The following BCO1 variants were observed in gnomAD, a reference collection of about 807,000 sequenced individuals.
The protein encoded by BCO1 is beta-carotene oxygenase 1, also known as beta,beta-carotene 15,15'-dioxygenase.
A neutral mutation model predicts 56.3 loss-of-function variants in BCO1; 54 were observed. That is an observed-to-expected ratio of 0.96 (90% CI 0.77 to 1.20). The LOEUF (loss-of-function observed/expected upper bound fraction) is 1.20. Among genes scored for constraint, BCO1 ranks in the 50% most tolerant of loss-of-function variants. The pLI is 0.00. For missense variants in BCO1, 801 were observed against 690.9 expected (o/e 1.16, Z -1.79); for synonymous variants, 318 against 266.1 (o/e 1.20, Z -1.90).
intron 1 of BCO1, 44 bp downstream of exon 1, chr16:81,239,016 T>C (rs143739349): frequency 6.5e-7 from 1 of 1,530,414 alleles, no homozygotes; most frequent in Non-Finnish European, 8.8e-7. Context: ...CTATTTATTT[T>C]ATTATTTTTT....
intron 6 of BCO1, among the ~76,000 whole-genome samples, 169 bp downstream of exon 6, chr16:81,268,300 A>G (rs1284329661): frequency 6.6e-6 from 1 of 152,102 alleles, no homozygotes; most frequent in Non-Finnish European, 1.5e-5. Context: ...GTCCTTCAGA[A>G]TGGCCCCCAG....
intron 2 of BCO1, among the ~76,000 whole-genome samples, chr16:81,255,353 A>G (rs1291766368): frequency 6.6e-6 from 1 of 152,160 alleles, no homozygotes; most frequent in African/African-American, 2.4e-5. Context: ...CTGTGCCTCA[A>G]TTTTATTAGC....
intron 4 of BCO1, 155 bp downstream of exon 4, chr16:81,262,438 TAG>T (rs1906547934): frequency 2.6e-6 from 2 of 763,240 alleles, no homozygotes; most frequent in Non-Finnish European, 4.6e-6. Context: ...CACTTACTGC[TAG>T]ATGCTAGGCA....
chr16:81,243,473 A>G (rs1905229127), intron 1 of BCO1, among the ~76,000 whole-genome samples: 2 of 151,790 alleles, frequency 1.3e-5, no homozygotes, highest in African/African-American at 4.8e-5. Context: ...TCATTCATTC[A>G]TTCATTCATT....
intron 10 of BCO1, among the ~76,000 whole-genome samples, chr16:81,289,507 G>A (rs1021637674): frequency 6.6e-6 from 1 of 152,130 alleles, no homozygotes; most frequent in African/African-American, 2.4e-5. Flanking sequence ...CAGACGTGGT[G>A]TCATGTGCCT....
intron 2 of BCO1, among the ~76,000 whole-genome samples, chr16:81,247,833 T>C (rs1905516381): frequency 6.6e-6 from 1 of 151,924 alleles, no homozygotes; most frequent in African/African-American, 2.4e-5. Flanking sequence ...GCCCATCCCA[T>C]TTCTATTTTA....
At position 81,245,566 on chromosome 16, in the gene BCO1, C is replaced by T. The variant is rs554010904; in HGVS notation, c.156C>T (p.Asp52=). The change falls in exon 2 of 11, where the codon GAC becomes GAT. Residue 52 remains aspartate, a synonymous_variant. Coordinates refer to ENST00000258168, the MANE Select transcript of BCO1 (RefSeq NM_017429.3). ...AGTCCAGATACAACCATTGGTTCGA[C>T]GGCCTTGCCCTGCTCCACAGCTTCA... ...VGESRYNHWF[D]GLALLHSFTI... 1.3e-4 allele frequency: 210 copies of T among 1,614,238 alleles called. No homozygotes were observed. The highest frequency in any genetic ancestry group is 8.0e-4 in the South Asian group (73 of 91,088).
rs546502921 is a variant in BCO1 at position 81,270,236 on chromosome 16, C to A, written c.921C>A (p.Phe307Leu). The change falls in exon 7 of 11, where the codon TTC becomes TTA. Residue 307 changes from phenylalanine (F) to leucine (L), a missense_variant. Coordinates refer to ENST00000258168, the MANE Select transcript of BCO1 (RefSeq NM_017429.3). ...TKFYTDAMVV[F>L]HHVNAYEEDG... Reference sequence around the variant, plus strand: ...TTTACACAGACGCCATGGTGGTCTTCCATCACGTCAACGCCTACGAAGAGG... The same window carrying A: ...TTTACACAGACGCCATGGTGGTCTTACATCACGTCAACGCCTACGAAGAGG... 6.2e-7 allele frequency: 1 copy of A among 1,614,192 alleles called. No homozygotes were observed. The highest frequency in any genetic ancestry group is 1.1e-5 in the South Asian group (1 of 91,074).
intron 2 of BCO1, among the ~76,000 whole-genome samples, chr16:81,250,983 A>AG (rs967776473): frequency 3.3e-5 from 5 of 152,250 alleles, no homozygotes; most frequent in African/African-American, 1.2e-4. Flanking sequence ...GGTGACCCCG[A>AG]GCCCTCTGAG....
At position 81,245,849 on chromosome 16, in the gene BCO1, CTTTTTTTTTT is replaced by C. The variant is rs1176582576; in HGVS notation, c.193+263_193+272del. Among the ~76,000 whole-genome samples, 546 of 93,384 alleles carry C rather than the reference CTTTTTTTTTT, an allele frequency of 5.8e-3. 7 individuals are homozygous for C. The highest frequency in any genetic ancestry group is 0.019 in the African/African-American group (493 of 26,478). The allele number at this position is 93,384 out of a possible 152,430, so 61.3% of individuals were successfully genotyped here. Reference sequence around the variant, plus strand: ...CCTTGACTTGTGGCTCCATCTCTGTCTTTTTTTTTTTTTTTTTTTTTTTTTTCTCTGAGAC... The same window carrying C: ...CCTTGACTTGTGGCTCCATCTCTGTCTTTTTTTTTTTTTTTTCTCTGAGAC... On this transcript the variant is annotated intron_variant, in intron 2 of 10. Transcript: ENST00000258168.
At chr16:81,259,839 T>C in intron 3 of BCO1, 34 bp downstream of exon 3, 1 of 1,613,672 alleles carries the variant, frequency 6.2e-7, no homozygotes. Context: ...GCAAATTTCA[T>C]GCTTTTTGCT....
At chr16:81,273,412 G>A (rs1907360333) in intron 7 of BCO1, among the ~76,000 whole-genome samples, 1 of 152,110 alleles carries the variant, frequency 6.6e-6, no homozygotes, top group Non-Finnish European at 1.5e-5. Context: ...GTCCTACAGT[G>A]TCCAGGGAGC....
intron 7 of BCO1, 63 bp from the exon 8 acceptor site, chr16:81,280,794 A>C: frequency 8.2e-7 from 1 of 1,218,646 alleles, no homozygotes; most frequent in South Asian, 1.2e-5. Context: ...ATATACACTA[A>C]AGCAAATGTT....
intron 1 of BCO1, 65 bp from the exon 2 acceptor site, chr16:81,245,410 C>A (rs1376558397): frequency 1.2e-6 from 2 of 1,612,604 alleles, no homozygotes; most frequent in Non-Finnish European, 1.7e-6. Context: ...CTTTCCATGA[C>A]CATTTCTTCC....
chr16:81,287,719 A>C (rs1410459376), intron 10 of BCO1, among the ~76,000 whole-genome samples: 1 of 152,174 alleles, frequency 6.6e-6, no homozygotes, highest in East Asian at 1.9e-4. Flanking sequence ...ATACAGACTA[A>C]AATTAGCACA....
At chr16:81,275,492 T>C (rs1308689314) in intron 7 of BCO1, among the ~76,000 whole-genome samples, 1 of 152,240 alleles carries the variant, frequency 6.6e-6, no homozygotes, top group Non-Finnish European at 1.5e-5. Flanking sequence ...TGTAACTCTT[T>C]GTCAACATTT....
intron 2 of BCO1, among the ~76,000 whole-genome samples, chr16:81,252,989 A>G (rs529356041): frequency 2.7e-4 from 41 of 152,102 alleles, no homozygotes; most frequent in Non-Finnish European, 5.1e-4. Context: ...GGCACCTGTC[A>G]TGCCACCTAC....
chr16:81,287,265 T>C (rs749665015), intron 9 of BCO1, 30 bp from the exon 10 acceptor site: 1 of 1,482,524 alleles, frequency 6.7e-7, no homozygotes, highest in Non-Finnish European at 9.4e-7. Context: ...AAACAAGTCA[T>C]TTATGTGTTT....
chr16:81,242,965 A>G (rs915714615), intron 1 of BCO1, among the ~76,000 whole-genome samples: 1 of 152,092 alleles, frequency 6.6e-6, no homozygotes, highest in Admixed American at 6.6e-5. Flanking sequence ...ATCCATGGAA[A>G]AATTATCTTC....
Sources: allele counts gnomAD v4.1 joint callset (sites outside exome capture counted in the v4.1 genomes callset), GRCh38; gene constraint gnomAD v4.1.1; transcripts MANE v1.5; gene names NCBI Gene and HGNC (gene_info 2026-07-23, HGNC 2026-07-21).